The following FERMT2 variants were observed in gnomAD, a reference collection of about 807,000 sequenced individuals.
FERMT2 encodes FERM domain containing kindlin 2, also known as fermitin family homolog 2.
FERMT2 carries 15 observed loss-of-function variants against 82.7 expected under a neutral mutation model. That is an observed-to-expected ratio of 0.18 (90% CI 0.12 to 0.28). FERMT2 has a LOEUF of 0.28. Among genes scored for constraint, FERMT2 ranks in the 10% least tolerant of loss-of-function variants. FERMT2 has a pLI of 1.00. For missense variants in FERMT2, 645 were observed against 809.4 expected (o/e 0.80, Z 2.46); for synonymous variants, 274 against 271.5 (o/e 1.01, Z -0.09).
chr14:52,873,061 T>G, intron 9 of FERMT2, 138 bp from the exon 10 acceptor site: 1 of 703,642 alleles, frequency 1.4e-6, no homozygotes. Flanking sequence ...TTGGTCAGCG[T>G]CTTATTAGTC....
At chr14:52,925,511 A>T (rs1889207900) in intron 2 of FERMT2, among the ~76,000 whole-genome samples, 1 of 148,736 alleles carries the variant, frequency 6.7e-6, no homozygotes, top group African/African-American at 2.5e-5. Context: ...GTGAACCAAG[A>T]CTGTGCCATT....
chr14:52,918,271 GCTC>G (rs965738019), intron 3 of FERMT2, among the ~76,000 whole-genome samples: 10 of 152,028 alleles, frequency 6.6e-5, no homozygotes, highest in Admixed American at 1.3e-4. Context: ...CATATAAAAT[GCTC>G]CTATTTATTA....
At chr14:52,896,062 T>G (rs1419538848) in intron 3 of FERMT2, among the ~76,000 whole-genome samples, 1 of 152,214 alleles carries the variant, frequency 6.6e-6, no homozygotes, top group Non-Finnish European at 1.5e-5. Context: ...TTTTAAAATG[T>G]ATTTAAAAAA....
At chr14:52,876,595 T>C (rs1043445096) in intron 7 of FERMT2, among the ~76,000 whole-genome samples, 1 of 152,170 alleles carries the variant, frequency 6.6e-6, no homozygotes, top group Non-Finnish European at 1.5e-5. Flanking sequence ...GCAAGGGATA[T>C]CTTAAATTTC....
intron 8 of FERMT2, 27 bp from the exon 9 acceptor site, chr14:52,874,253 A>AT (rs1566722767): frequency 6.7e-7 from 1 of 1,484,776 alleles, no homozygotes; most frequent in East Asian, 2.3e-5. Context: ...TCCTTTTTTA[A>AT]TTTTTTTAAT....
rs1464790329 is a variant in FERMT2 at position 52,877,580 on chromosome 14, T to TAA, written c.963+1001_963+1002insTT. Among the ~76,000 whole-genome samples the TAA allele has an allele frequency of 1.3e-4, 18 of 138,180 alleles. 1 individual carries two copies. The highest frequency in any genetic ancestry group is 1.2e-3 in the Admixed American group (16 of 13,520). 90.7% of individuals were successfully genotyped at this position (138,180 alleles called of 152,430 possible). On this transcript the variant is annotated intron_variant, in intron 7 of 14. Coordinates refer to ENST00000341590, the MANE Select transcript of FERMT2 (RefSeq NM_006832.3). ...TGAAAATTAGCTGTTCTTGCTTTTTTTTTTTTTTTTTTTTTTTTGCTAACC... is the reference window on the plus strand; with the variant it reads ...TGAAAATTAGCTGTTCTTGCTTTTTTAATTTTTTTTTTTTTTTTTTGCTAACC...
At chr14:52,942,775 C>T (rs948886432) in intron 2 of FERMT2, among the ~76,000 whole-genome samples, 2 of 152,174 alleles carry the variant, frequency 1.3e-5, no homozygotes, top group Non-Finnish European at 2.9e-5. Context: ...CCTCCATCAG[C>T]ACCTACTACA....
intron 6 of FERMT2, among the ~76,000 whole-genome samples, chr14:52,879,856 T>C (rs12435704): frequency 0.82 from 125,222 of 152,130 alleles, 52,467 homozygotes; most frequent in Non-Finnish European, 0.9. Context: ...ATATTTATGG[T>C]AAAGTTAAAT....
chr14:52,858,017 G>C lies in FERMT2; in HGVS notation c.*360C>G, dbSNP rs1884673128. ...ACATTAAATCACATGCATTAGACAT[G>C]ATAAATAGAGTTCATATAGGTTAAG... On this transcript the variant is annotated 3_prime_UTR_variant, in exon 15 of 15. Transcript: ENST00000341590. 2.1e-5 allele frequency: 4 copies of C among 188,006 alleles called. No individual in the cohort carries two copies. Among genetic ancestry groups the C allele is most frequent in the Non-Finnish European group, 4.5e-5 (4 of 89,690 alleles). 11.6% of individuals were successfully genotyped at this position (188,006 alleles called of 1,614,324 possible).
At chr14:52,864,129 A>G (rs1885123096) in intron 12 of FERMT2, among the ~76,000 whole-genome samples, 1 of 152,110 alleles carries the variant, frequency 6.6e-6, no homozygotes, top group Non-Finnish European at 1.5e-5. Context: ...GGATTTTGGA[A>G]TATCTGCATT....
Position 52,858,168 on chromosome 14 carries a change from G to A in FERMT2, c.*209C>T. ...TTTTCAATTCATGGCCCTAAGGAAT[G>A]TGTGACAAATTCAAGTTTATTATAT... On this transcript the variant is annotated 3_prime_UTR_variant, in exon 15 of 15. Transcript: ENST00000341590. The A allele has an allele frequency of 2.0e-6, 1 of 511,602 alleles. No individual in the cohort carries two copies. Among genetic ancestry groups the A allele is most frequent in the Non-Finnish European group, 3.5e-6 (1 of 286,370 alleles). 31.7% of individuals were successfully genotyped at this position (511,602 alleles called of 1,614,324 possible).
At chr14:52,950,340 G>A in intron 2 of FERMT2, 72 bp downstream of exon 2, 1 of 1,482,700 alleles carries the variant, frequency 6.7e-7, no homozygotes, top group Non-Finnish European at 9.3e-7. Flanking sequence ...CCCCTCCCCC[G>A]TCGTGAGCCT....
intron 5 of FERMT2, 39 bp from the exon 6 acceptor site, chr14:52,881,177 A>G (rs116841940): frequency 6.3e-7 from 1 of 1,591,690 alleles, no homozygotes; most frequent in East Asian, 2.2e-5. Context: ...ACAACACAGA[A>G]TGAAGACAAT....
chr14:52,877,406 A>T (rs1040689431), intron 7 of FERMT2, among the ~76,000 whole-genome samples: 14 of 152,102 alleles, frequency 9.2e-5, no homozygotes, highest in Admixed American at 2.0e-4. Flanking sequence ...TTCACCAGAG[A>T]GTCAGAATTA....
intron 1 of FERMT2, 159 bp from the exon 2 acceptor site, chr14:52,950,736 G>A: frequency 1.5e-6 from 1 of 646,958 alleles, no homozygotes; most frequent in Non-Finnish European, 2.6e-6. Context: ...GCTGCGGGAG[G>A]ACCCTACGCC....
At chr14:52,949,832 G>C (rs1306003993) in intron 2 of FERMT2, among the ~76,000 whole-genome samples, 2 of 152,130 alleles carry the variant, frequency 1.3e-5, no homozygotes, top group Admixed American at 6.5e-5. Context: ...ATCGAGCATG[G>C]ACTATGGATA....
intron 3 of FERMT2, among the ~76,000 whole-genome samples, chr14:52,911,447 T>C (rs1264075069): frequency 6.6e-6 from 1 of 151,854 alleles, no homozygotes; most frequent in Non-Finnish European, 1.5e-5. Flanking sequence ...GTCAGGAGAT[T>C]GATACCATCC....
chr14:52,858,704 T>TG, intron 14 of FERMT2, 154 bp from the exon 15 acceptor site: 1 of 616,096 alleles, frequency 1.6e-6, no homozygotes, highest in Non-Finnish European at 2.7e-6. Flanking sequence ...ATAATGCCTT[T>TG]AAGTCCCAAA....
At position 52,860,456 on chromosome 14, in the gene FERMT2, T is replaced by TCGCTGTTATCTAAACATGAGTAAACA; in HGVS notation, c.1603-17_1611dup (p.Arg538CysfsTer7). On this transcript the variant is annotated stop_gained and frameshift_variant, in exon 13 of 15. Transcript: ENST00000341590. LOFTEE classifies it high-confidence loss of function. ...ACATTCTGATGGGCCTCCAAGATTC[T>TCGCTGTTATCTAAACATGAGTAAACA]CGCTGTTATCTAAACATGAGTAAAC... is the stretch of plus-strand genomic sequence containing the variant. 6.2e-7 allele frequency: 1 copy of TCGCTGTTATCTAAACATGAGTAAACA among 1,612,616 alleles called. No individual in the cohort carries two copies.
Sources: allele counts gnomAD v4.1 joint callset (sites outside exome capture counted in the v4.1 genomes callset), GRCh38; gene constraint gnomAD v4.1.1; transcripts MANE v1.5; gene names NCBI Gene and HGNC (gene_info 2026-07-23, HGNC 2026-07-21).